Variants in TOP1MT observed in about 807,000 individuals in gnomAD.
TOP1MT encodes the protein DNA topoisomerase I mitochondrial.
Under a neutral mutation model 73.9 loss-of-function variants are expected in TOP1MT, and 80 were observed. That is an observed-to-expected ratio of 1.08 (90% CI 0.90 to 1.30). TOP1MT has a LOEUF of 1.30. Ranked by LOEUF, TOP1MT falls within the 50% of genes most tolerant of loss-of-function variation. The pLI is 0.00. For missense variants in TOP1MT, 815 were observed against 808.0 expected, an observed-to-expected ratio of 1.01 and a Z score of -0.10; for synonymous variants, 338 against 326.4, an observed-to-expected ratio of 1.04 and a Z score of -0.38.
At chr8:143,319,545 G>A (rs2129992577) in intron 8 of TOP1MT, among the ~76,000 whole-genome samples, 1 of 152,130 alleles carries the variant, frequency 6.6e-6, no homozygotes, top group East Asian at 1.9e-4. Flanking sequence ...CCCAGACAGG[G>A]GACACCGTGA....
rs1251601536 is a variant in TOP1MT, at chr8:143,341,967, CAG to C, written c.29+1251_29+1252del. Among the ~76,000 whole-genome samples, 7 of 121,666 alleles carry C rather than the reference CAG, an allele frequency of 5.8e-5. No homozygotes were observed. The South Asian group carries it at 1.4e-3, about 25-fold the overall frequency. The allele number at this position is 121,666 out of a possible 152,430, so 79.8% of individuals were successfully genotyped here. ...GCTCTGTTATTATTATTATTAGAGA[CAG>C]AGTCTCGCTGTTATTATTATTATTA... On this transcript the variant is annotated intron_variant, in intron 2 of 5. Transcript: ENST00000518007. The surrounding 1 kb of genome is among the most constrained non-coding windows in gnomAD (Gnocchi z 4.1).
intron 1 of TOP1MT, among the ~76,000 whole-genome samples, chr8:143,351,360 G>A (rs1423861796): frequency 6.6e-6 from 1 of 152,102 alleles, no homozygotes; most frequent in Non-Finnish European, 1.5e-5. Flanking sequence ...ATCACCTGAG[G>A]TCAGGAGTTC....
At chr8:143,320,963 G>C (rs1031906568) in intron 8 of TOP1MT, among the ~76,000 whole-genome samples, 1 of 152,178 alleles carries the variant, frequency 6.6e-6, no homozygotes, top group Non-Finnish European at 1.5e-5. Context: ...AGACGAAGCT[G>C]GCGTGACACA....
At chr8:143,353,322 G>C (rs1199102018) in intron 1 of TOP1MT, among the ~76,000 whole-genome samples, 3 of 152,036 alleles carry the variant, frequency 2.0e-5, no homozygotes, top group Non-Finnish European at 2.9e-5. Context: ...AGGCTGAAGT[G>C]GGAGGGTGGC....
chr8:143,317,853 G>A lies in TOP1MT; in HGVS notation c.1216-16C>T, dbSNP rs370521321. The stretch of plus-strand genomic sequence containing the variant: ...GGCTGGTCGTCTGGGGAGGAAAATG[G>A]TCTCTATAATTACGTGGTTTTGCGG... On this transcript the variant is annotated splice_polypyrimidine_tract_variant and intron_variant, in intron 9 of 13. Transcript: ENST00000329245. 3.8e-5 allele frequency: 61 copies of A among 1,613,182 alleles called. No individual in the cohort carries two copies. Among genetic ancestry groups the A allele is most frequent in the Non-Finnish European group, 4.8e-5 (57 of 1,179,366 alleles).
chr8:143,333,206 G>C (rs1186683756), intron 1 of TOP1MT, among the ~76,000 whole-genome samples: 1 of 152,128 alleles, frequency 6.6e-6, no homozygotes, highest in African/African-American at 2.4e-5. Context: ...CAGCACTTTG[G>C]GAGGCCGAGG....
intron 10 of TOP1MT, 88 bp downstream of exon 10, chr8:143,317,635 C>T (rs1816204983): frequency 2.5e-6 from 3 of 1,200,264 alleles, no homozygotes; most frequent in Admixed American, 4.2e-5. Context: ...CACCCCGAGG[C>T]TCACTCAACA....
intron 12 of TOP1MT, among the ~76,000 whole-genome samples, chr8:143,315,040 A>G (rs983229926): frequency 6.6e-6 from 1 of 152,136 alleles, no homozygotes; most frequent in African/African-American, 2.4e-5. Flanking sequence ...CAGGCCAACC[A>G]TGGTCTAGCG....
intron 10 of TOP1MT, among the ~76,000 whole-genome samples, chr8:143,317,221 G>A (rs1414508982): frequency 3.3e-5 from 5 of 152,306 alleles, no homozygotes; most frequent in South Asian, 2.1e-4. Flanking sequence ...CAGGGGCAGC[G>A]CCAGGGACAG....
chr8:143,359,407 G>T, upstream of TOP1MT: 1 of 985,420 alleles, frequency 1.0e-6, no homozygotes, highest in Non-Finnish European at 1.2e-6. Context: ...CCGTCACTCT[G>T]GGGCAGAAGA....
At chr8:143,320,063 G>A (rs1816287156) in intron 8 of TOP1MT, among the ~76,000 whole-genome samples, 2 of 151,880 alleles carry the variant, frequency 1.3e-5, no homozygotes, top group South Asian at 2.1e-4. Context: ...GGCGGAGGTC[G>A]CAGTCAGCCA....
intron 7 of TOP1MT, among the ~76,000 whole-genome samples, chr8:143,323,219 G>A (rs1239765336): frequency 4.5e-5 from 2 of 44,108 alleles, no homozygotes; most frequent in Non-Finnish European, 4.2e-5. Context: ...CGCCACACAG[G>A]CACGCCACAC....
upstream of TOP1MT, among the ~76,000 whole-genome samples, chr8:143,347,464 A>AT (rs1415903488): frequency 6.6e-6 from 1 of 151,740 alleles, no homozygotes; most frequent in Non-Finnish European, 1.5e-5. Flanking sequence ...TAATTTTTGT[A>AT]TTTTTTAGTA....
chr8:143,331,795 C>A, intron 1 of TOP1MT: 1 of 157,084 alleles, frequency 6.4e-6, no homozygotes. Flanking sequence ...GAAGGGGGTC[C>A]AGCAGTGCAG....
chr8:143,346,838 G>A (rs1000697476), upstream of TOP1MT, among the ~76,000 whole-genome samples: 2 of 152,030 alleles, frequency 1.3e-5, no homozygotes, highest in Non-Finnish European at 2.9e-5. Flanking sequence ...AGGACACTAA[G>A]CAAAATCACG....
chr8:143,311,861 G>C (rs929261004), intron 12 of TOP1MT, among the ~76,000 whole-genome samples: 5 of 152,068 alleles, frequency 3.3e-5, no homozygotes, highest in Non-Finnish European at 7.4e-5. Context: ...CTGGGCACCA[G>C]CCAGTTAGAC....
upstream of TOP1MT, among the ~76,000 whole-genome samples, chr8:143,348,406 G>A (rs1488135279): frequency 6.6e-6 from 1 of 152,158 alleles, no homozygotes; most frequent in African/African-American, 2.4e-5. The surrounding 1 kb of genome is among the most constrained non-coding windows in gnomAD (Gnocchi z 4.6). Flanking sequence ...TACGGCTCAA[G>A]ACTCCATGTG....
In TOP1MT at chr8:143,332,383, C is replaced by T. The variant is rs190280880; in HGVS notation, c.123-1044G>A. The T allele has an allele frequency of 8.1e-3, 7,196 of 883,410 alleles. 53 individuals carry two copies. The highest frequency in any genetic ancestry group is 0.01 in the Non-Finnish European group (6,536 of 624,584). The allele number at this position is 883,410 out of a possible 1,614,324, so 54.7% of individuals were successfully genotyped here. A position where few individuals can be genotyped will look rare whatever the true frequency, so the allele number is the denominator to read the frequency against. ...AAGGCCTCAGTGGGAGAGGCTTTGGCGAGAGGGTGGGAGCACCATCAGGAT... is the reference window on the plus strand; with the variant it reads ...AAGGCCTCAGTGGGAGAGGCTTTGGTGAGAGGGTGGGAGCACCATCAGGAT... On this transcript the variant is annotated intron_variant, in intron 1 of 13. Coordinates refer to ENST00000329245, the MANE Select transcript of TOP1MT (RefSeq NM_052963.3).
At chr8:143,312,809 G>A (rs1816048231) in intron 12 of TOP1MT, among the ~76,000 whole-genome samples, 1 of 152,196 alleles carries the variant, frequency 6.6e-6, no homozygotes, top group South Asian at 2.1e-4. Flanking sequence ...AGTCCTAAGG[G>A]CCAGGCATGT....
Sources: allele counts gnomAD v4.1 joint callset (sites outside exome capture counted in the v4.1 genomes callset), GRCh38; gene constraint gnomAD v4.1.1; non-coding constraint Gnocchi (gnomAD v3.1); transcripts MANE v1.5; gene names NCBI Gene and HGNC (gene_info 2026-07-23, HGNC 2026-07-21).